MYO9A: variants seen among roughly 807,000 people sequenced by gnomAD.
The protein encoded by MYO9A is myosin IXA.
MYO9A carries 103 observed loss-of-function variants against 293.3 expected under a neutral mutation model. The ratio of observed to expected loss-of-function variants is 0.35; its 90% CI spans 0.30 to 0.41. The LOEUF (loss-of-function observed/expected upper bound fraction) is 0.41, where lower values mean the gene tolerates loss of function less well. MYO9A is among the 10% of genes least tolerant of loss of function. The probability of loss-of-function intolerance (pLI) is 1.00; values close to 1 mark genes in which losing one functional copy is unlikely to be tolerated. For synonymous variants in MYO9A, 1,001 were observed against 1,035.7 expected (o/e 0.97, Z 0.64); for missense variants, 2,685 against 3,033.0 (o/e 0.89, Z 2.69).
chr15:71,898,599 C>G lies in MYO9A; in HGVS notation c.3904G>C (p.Glu1302Gln). The change falls in exon 25 of 42, where the codon GAG (glutamate) becomes CAG (glutamine). Residue 1302 changes from glutamate to glutamine, a missense_variant. This residue lies in a region of MYO9A where 1,434 missense variants were observed against 1,497.7 expected (regional missense o/e 0.96). Transcript: ENST00000356056. ...AATTCTGTAGACCATCTGCGATCCT[C>G]TGAAGGAGAAATACCACCAAGAGAA... is the stretch of plus-strand genomic sequence containing the variant. ...VRSLGGISPS[E>Q]DRRWSTELVP... 1 of 1,614,144 alleles carries G rather than the reference C, an allele frequency of 6.2e-7. No homozygotes were observed. Among genetic ancestry groups the G allele is most frequent in the Non-Finnish European group, 8.5e-7 (1 of 1,180,026 alleles).
chr15:72,107,386 T>C (rs550667143), intron 1 of MYO9A, among the ~76,000 whole-genome samples: 1 of 152,150 alleles, frequency 6.6e-6, no homozygotes, highest in South Asian at 2.1e-4. Context: ...CTGTCTCTAC[T>C]AAAAATACAA....
chr15:71,867,487 T>C (rs2141965945), intron 32 of MYO9A, among the ~76,000 whole-genome samples: 1 of 151,908 alleles, frequency 6.6e-6, no homozygotes, highest in East Asian at 1.9e-4. Flanking sequence ...TTTCAACTTA[T>C]ATCACAGACA....
chr15:72,028,238 T>TATATATATATATATAA (rs1490355481), intron 3 of MYO9A, among the ~76,000 whole-genome samples: 9 of 144,656 alleles, frequency 6.2e-5, no homozygotes, highest in African/African-American at 2.3e-4. Flanking sequence ...TATATATATA[T>TATATATATATATATAA]AAATATATAT....
intron 1 of MYO9A, among the ~76,000 whole-genome samples, chr15:72,098,777 G>A (rs547042575): frequency 1.3e-5 from 2 of 152,098 alleles, no homozygotes; most frequent in South Asian, 4.2e-4. Flanking sequence ...TTCGAGACCA[G>A]CCTGGGCAAT....
At chr15:72,101,573 C>A (rs2080325826) in intron 1 of MYO9A, among the ~76,000 whole-genome samples, 1 of 133,022 alleles carries the variant, frequency 7.5e-6, no homozygotes, top group Admixed American at 7.1e-5. Flanking sequence ...GGCGCCTCTG[C>A]CCGGCCGCCC....
At chr15:71,866,597 G>C (rs1250345906) in intron 32 of MYO9A, among the ~76,000 whole-genome samples, 1 of 151,774 alleles carries the variant, frequency 6.6e-6, no homozygotes, top group African/African-American at 2.4e-5. Context: ...GACTTAATCA[G>C]AAGAAAAGAT....
intron 1 of MYO9A, among the ~76,000 whole-genome samples, chr15:72,112,851 G>A (rs184013035): frequency 1.3e-5 from 2 of 152,298 alleles, no homozygotes; most frequent in East Asian, 3.9e-4. Context: ...GTAGATGTTA[G>A]TTACACTGGT....
intron 14 of MYO9A, among the ~76,000 whole-genome samples, chr15:71,957,362 T>C (rs2059228007): frequency 1.3e-5 from 2 of 152,178 alleles, no homozygotes; most frequent in African/African-American, 4.8e-5. Context: ...AATTTTCTCA[T>C]TGCTATTATG....
intron 1 of MYO9A, among the ~76,000 whole-genome samples, chr15:72,099,532 G>T (rs1308416525): frequency 6.6e-6 from 1 of 151,688 alleles, no homozygotes; most frequent in Non-Finnish European, 1.5e-5. Flanking sequence ...AGCCTGGGAG[G>T]TCAAGACTGC....
At chr15:71,855,383 G>A (rs770446250) in intron 34 of MYO9A, among the ~76,000 whole-genome samples, 7 of 152,130 alleles carry the variant, frequency 4.6e-5, no homozygotes, top group African/African-American at 1.2e-4. Context: ...TGATCTGCCC[G>A]CCTTGGCCTT....
chr15:71,934,543 C>A (rs142820340), intron 17 of MYO9A, among the ~76,000 whole-genome samples: 2 of 151,626 alleles, frequency 1.3e-5, no homozygotes, highest in African/African-American at 4.8e-5. Context: ...AGCGGTCAAA[C>A]GATATGCTTG....
At chr15:72,107,790 T>C (rs1416199245) in intron 1 of MYO9A, among the ~76,000 whole-genome samples, 2 of 48,502 alleles carry the variant, frequency 4.1e-5, no homozygotes, top group South Asian at 1.2e-3. Flanking sequence ...TTGAGACAAT[T>C]TGAGCATCAA....
intron 32 of MYO9A, among the ~76,000 whole-genome samples, chr15:71,865,063 T>C (rs368453269): frequency 7.9e-5 from 12 of 152,212 alleles, no homozygotes; most frequent in Admixed American, 3.3e-4. Context: ...ATTTGGAATA[T>C]ACTGATTCAC....
At chr15:71,864,977 G>A (rs1046384923) in intron 32 of MYO9A, among the ~76,000 whole-genome samples, 4 of 152,126 alleles carry the variant, frequency 2.6e-5, no homozygotes, top group Non-Finnish European at 5.9e-5. Context: ...CAGAAAGCTG[G>A]TTTACAATAC....
At chr15:72,076,304 C>CAA (rs34369419) in intron 1 of MYO9A, among the ~76,000 whole-genome samples, 23 of 81,588 alleles carry the variant, frequency 2.8e-4, no homozygotes, top group Admixed American at 1.4e-3. Context: ...GACTCTGTCT[C>CAA]AAAAAAAAAA....
chr15:72,083,509 T>C (rs2079616892), intron 1 of MYO9A, among the ~76,000 whole-genome samples: 1 of 152,232 alleles, frequency 6.6e-6, no homozygotes, highest in African/African-American at 2.4e-5. Flanking sequence ...TCTCCTGCCA[T>C]TCAGCTTTGA....
chr15:72,021,098 G>C (rs2077489976), intron 4 of MYO9A, 81 bp from the exon 5 acceptor site: 2 of 807,614 alleles, frequency 2.5e-6, no homozygotes, highest in Non-Finnish European at 3.9e-6. Context: ...GAAGCAAACA[G>C]TAATTAGTAA....
chr15:72,069,644 G>C (rs1327551160), intron 1 of MYO9A, among the ~76,000 whole-genome samples: 1 of 152,166 alleles, frequency 6.6e-6, no homozygotes, highest in Non-Finnish European at 1.5e-5. Context: ...GATAGTGATA[G>C]AAGGTAGAAA....
chr15:72,036,869 A>G (rs1033547626), intron 2 of MYO9A, among the ~76,000 whole-genome samples: 1 of 151,812 alleles, frequency 6.6e-6, no homozygotes, highest in African/African-American at 2.4e-5. Context: ...ACAGCCATGC[A>G]CCACCACACC....
Sources: allele counts gnomAD v4.1 joint callset (sites outside exome capture counted in the v4.1 genomes callset), GRCh38; gene constraint gnomAD v4.1.1; regional missense constraint gnomAD v4.1.1; transcripts MANE v1.5; gene names NCBI Gene and HGNC (gene_info 2026-07-23, HGNC 2026-07-21).